Variants in LRRC41 observed in about 807,000 individuals in gnomAD.
LRRC41 encodes the protein leucine rich repeat containing 41.
In LRRC41, 17 loss-of-function variants were observed where a neutral mutation model predicts 72.1. That is an observed-to-expected ratio of 0.24 (90% confidence interval 0.16 to 0.35). LRRC41 has a LOEUF of 0.35. LRRC41 is among the 10% of genes least tolerant of loss of function. The probability of loss-of-function intolerance (pLI) is 1.00; values close to 1 mark genes in which losing one functional copy is unlikely to be tolerated. For missense variants in LRRC41, 759 were observed against 1,065.0 expected, an observed-to-expected ratio of 0.71 and a Z score of 4.00; for synonymous variants, 427 against 431.0, an observed-to-expected ratio of 0.99 and a Z score of 0.11.
In LRRC41 at chr1:46,302,367, G is replaced by T. The variant is rs1280758709; in HGVS notation, c.199+757C>A. The T allele has an allele frequency of 1.0e-6, 1 of 985,276 alleles. No homozygotes were observed. The allele number at this position is 985,276 out of a possible 1,614,324, so 61.0% of individuals were successfully genotyped here. On this transcript the variant is annotated intron_variant, in intron 1 of 9. Transcript: ENST00000617190. This position sits in a 1 kb window ranked among gnomAD's most constrained non-coding sequence, Gnocchi z 4.7. ...CCGGGCCCCCCTCCACTCGCTCTCC[G>T]GTCCCTCCTCGCCGCTCGAGCCGAT...
intron 3 of LRRC41, among the ~76,000 whole-genome samples, chr1:46,291,785 C>G (rs1661024852): frequency 6.6e-6 from 1 of 151,378 alleles, no homozygotes; most frequent in Non-Finnish European, 1.5e-5. Context: ...GTCTTGAACT[C>G]CTGACCTCAG....
intron 1 of LRRC41, among the ~76,000 whole-genome samples, chr1:46,301,072 G>A (rs1661212517): frequency 6.6e-6 from 1 of 152,064 alleles, no homozygotes; most frequent in South Asian, 2.1e-4. Flanking sequence ...AGGGGGAAGA[G>A]GCCACACGGG....
At chr1:46,301,286 G>A (rs1661218052) in intron 1 of LRRC41, among the ~76,000 whole-genome samples, 1 of 151,914 alleles carries the variant, frequency 6.6e-6, no homozygotes, top group Admixed American at 6.6e-5. Flanking sequence ...CTGGGCCTCC[G>A]CACCCAGTCA....
At position 46,302,155 on chromosome 1, in the gene LRRC41, G is replaced by T. The variant is rs2148328997; in HGVS notation, c.199+969C>A. On this transcript the variant is annotated intron_variant, in intron 1 of 9. Transcript: ENST00000617190. The surrounding 1 kb of genome is among the most constrained non-coding windows in gnomAD (Gnocchi z 4.7). ...CCCTCCATCCAGGCCCGGCCCTTTG[G>T]TCCCGGCCGCCTTCAGGCCTGGGGC... 1.0e-6 allele frequency: 1 copy of T among 985,108 alleles called. No individual in the cohort carries two copies. 61.0% of individuals were successfully genotyped at this position (985,108 alleles called of 1,614,324 possible). A position where few individuals can be genotyped will look rare whatever the true frequency, so the allele number is the denominator to read the frequency against.
At position 46,278,228 on chromosome 1, in the gene LRRC41, C is replaced by A. The variant is rs1048771; in HGVS notation, c.*637G>T. On this transcript the variant is annotated 3_prime_UTR_variant, in exon 10 of 10. Transcript: ENST00000617190. ...CTGCCTGGGATGCTGCCTCCACTGC[C>A]ATCACCTTCGTCTTCCACCAGCGTT... 1 of 1,613,618 alleles carries A rather than the reference C, an allele frequency of 6.2e-7. No homozygotes were observed. The highest frequency in any genetic ancestry group is 1.3e-5 in the African/African-American group (1 of 75,006).
intron 3 of LRRC41, among the ~76,000 whole-genome samples, chr1:46,291,553 T>C (rs1345917806): frequency 1.4e-5 from 1 of 69,246 alleles, no homozygotes; most frequent in Non-Finnish European, 3.6e-5. Context: ...CCCCAGCTGG[T>C]TTTTTTTTTT....
chr1:46,297,242 A>G (rs865914729), intron 3 of LRRC41: 3 of 229,044 alleles, frequency 1.3e-5, no homozygotes, highest in Middle Eastern at 1.5e-3. Context: ...TCATTGAAGT[A>G]TTGGTGTATT....
At chr1:46,282,683 AC>A (rs139664135) in intron 4 of LRRC41, among the ~76,000 whole-genome samples, 2,001 of 152,248 alleles carry the variant, frequency 0.013, 32 homozygotes, top group Non-Finnish European at 0.02. Context: ...CTGAAGGAGA[AC>A]AAAAAAATTT....
In LRRC41 at chr1:46,285,125, G is replaced by C; in HGVS notation, c.1495+237C>G. 1.8e-6 allele frequency: 1 copy of C among 563,828 alleles called. No homozygotes were observed. The highest frequency in any genetic ancestry group is 3.2e-6 in the Non-Finnish European group (1 of 312,026). 34.9% of individuals were successfully genotyped at this position (563,828 alleles called of 1,614,324 possible). On this transcript the variant is annotated intron_variant, in intron 4 of 9. Coordinates refer to ENST00000617190, the MANE Select transcript of LRRC41 (RefSeq NM_006369.5). This position sits in a 1 kb window ranked among gnomAD's most constrained non-coding sequence, Gnocchi z 5.3. The stretch of plus-strand genomic sequence containing the variant: ...AAATGTATTCATTCTTCAGATTCCA[G>C]CTGGCTTGTCTCACTGCCCCTCAGG...
chr1:46,277,827 T>C lies in LRRC41; in HGVS notation c.*1038A>G, dbSNP rs775912587. On this transcript the variant is annotated 3_prime_UTR_variant, in exon 10 of 10. Transcript: ENST00000617190. ...CCTCCTCTTCCCCAGGCAGGGACCA[T>C]TGAGGAGAAGATCTTCCAGCGTCAG... 16 of 1,605,800 alleles carry C rather than the reference T, an allele frequency of 1.0e-5. No homozygotes were observed. Among genetic ancestry groups the C allele is most frequent in the Admixed American group, 1.7e-5 (1 of 59,992 alleles).
At chr1:46,290,904 G>C (rs577328807) in intron 3 of LRRC41, among the ~76,000 whole-genome samples, 1 of 144,370 alleles carries the variant, frequency 6.9e-6, no homozygotes, top group Non-Finnish European at 1.5e-5. Context: ...CACCATGCCC[G>C]GCCTGTTTCT....
chr1:46,279,299 C>T lies in LRRC41; in HGVS notation c.2144-42G>A, dbSNP rs939395306. Reference sequence around the variant, plus strand: ...AACGCCTATCACCTCCACCCAAGAACAGGGGACAAGGGTATCCCAACCCAA... The same window carrying T: ...AACGCCTATCACCTCCACCCAAGAATAGGGGACAAGGGTATCCCAACCCAA... On this transcript the variant is annotated intron_variant, in intron 8 of 9. Transcript: ENST00000617190. This position sits in a 1 kb window ranked among gnomAD's most constrained non-coding sequence, Gnocchi z 4.5. 9 of 1,606,874 alleles carry T rather than the reference C, an allele frequency of 5.6e-6. No individual in the cohort carries two copies. The highest frequency in any genetic ancestry group is 6.8e-6 in the Non-Finnish European group (8 of 1,173,524).
chr1:46,284,075 T>A (rs568516795), intron 4 of LRRC41: 3 of 152,352 alleles, frequency 2.0e-5, no homozygotes, highest in Admixed American at 6.5e-5. Context: ...AGGACCCTGA[T>A]GACATAGGTC....
At position 46,286,254 on chromosome 1, in the gene LRRC41, G is replaced by A. The variant is rs1433834312; in HGVS notation, c.603C>T (p.Arg201=). The change falls in exon 4 of 10, where the codon CGC becomes CGT. Residue 201 remains arginine (R), a synonymous_variant. Coordinates refer to ENST00000617190, the MANE Select transcript of LRRC41 (RefSeq NM_006369.5). This position sits in a 1 kb window ranked among gnomAD's most constrained non-coding sequence, Gnocchi z 5.5. ...LASSLHTLKF[R]HLLFSDVAAQ... is the part of the protein sequence containing the mutation. ...CAGCCACATCAGAGAACAGCAGGTGGCGGAACTTGAGAGTGTGCAGGGAGC... is the reference window on the plus strand; with the variant it reads ...CAGCCACATCAGAGAACAGCAGGTGACGGAACTTGAGAGTGTGCAGGGAGC... 6.2e-7 allele frequency: 1 copy of A among 1,614,268 alleles called. No individual in the cohort carries two copies. The highest frequency in any genetic ancestry group is 2.2e-5 in the East Asian group (1 of 44,892).
intron 5 of LRRC41, among the ~76,000 whole-genome samples, 175 bp downstream of exon 5, chr1:46,280,950 C>T (rs576037803): frequency 3.6e-4 from 55 of 152,252 alleles, no homozygotes; most frequent in African/African-American, 1.3e-3. Context: ...GTGGTTTAGG[C>T]CCTGTCTAGC....
Position 46,285,561 on chromosome 1 carries a change from A to G in LRRC41, c.1296T>C (p.Ile432=), listed in dbSNP as rs749658714. The G allele has an allele frequency of 1.1e-5, 17 of 1,613,618 alleles. No individual in the cohort carries two copies. Among genetic ancestry groups the G allele is most frequent in the African/African-American group, 1.3e-5 (1 of 75,032 alleles). Residue 432 remains isoleucine (I), a synonymous_variant, in exon 4 of 10, where the codon ATT becomes ATC. Coordinates refer to ENST00000617190, the MANE Select transcript of LRRC41 (RefSeq NM_006369.5). This position sits in a 1 kb window ranked among gnomAD's most constrained non-coding sequence, Gnocchi z 5.3. ...CCAAAGCTCCACAAGCCACTTCCCC[A>G]ATCTCCATCTCTTCGCCATCCTCCT... ...GEKEDGEEME[I]GEVACGALDG... is the part of the protein sequence containing the mutation.
At chr1:46,280,156 C>G (rs370196070) in intron 7 of LRRC41, 36 bp downstream of exon 7, 7 of 1,507,940 alleles carry the variant, frequency 4.6e-6, no homozygotes, top group Non-Finnish European at 6.5e-6. Context: ...ATAGTGAAGA[C>G]CCAGGAAATG....
rs773161292 is a variant in LRRC41, at chr1:46,285,808, T to C, written c.1049A>G (p.Glu350Gly). ...RELHPPATSHEAPGTKRSPSA... is the reference protein window; with the variant it reads ...RELHPPATSHGAPGTKRSPSA... ...AGGTGACCGCTTGGTGCCAGGAGCC[T>C]CATGGGAGGTGGCTGGGGGGTGCAG... The change falls in exon 4 of 10, where the codon GAG becomes GGG. Residue 350 changes from glutamate (E) to glycine (G), a missense_variant. This residue lies in a region of LRRC41 where 427 missense variants were observed against 520.9 expected (regional missense o/e 0.82). Transcript: ENST00000617190. This position sits in a 1 kb window ranked among gnomAD's most constrained non-coding sequence, Gnocchi z 5.3. 9 of 1,594,574 alleles carry C rather than the reference T, an allele frequency of 5.6e-6. No individual in the cohort carries two copies. The highest frequency in any genetic ancestry group is 7.7e-6 in the Non-Finnish European group (9 of 1,171,584).
chr1:46,291,522 A>C (rs1661015233), intron 3 of LRRC41, among the ~76,000 whole-genome samples: 1 of 146,456 alleles, frequency 6.8e-6, no homozygotes, highest in South Asian at 2.2e-4. Context: ...TTTTCTGTAG[A>C]GATAAGGTCT....
Sources: gnomAD v4.1 joint callset for allele counts (sites outside exome capture counted in the v4.1 genomes callset) on GRCh38, gnomAD v4.1.1 for gene constraint, gnomAD v4.1.1 regional missense constraint, Gnocchi (gnomAD v3.1) non-coding constraint, MANE v1.5 for transcripts, NCBI Gene and HGNC (gene_info 2026-07-23, HGNC 2026-07-21) for gene names.